The following ZFAT variants were observed in gnomAD, a reference collection of about 807,000 sequenced individuals.
ZFAT encodes zinc finger and AT-hook domain containing, also known as zinc finger protein ZFAT.
Under a neutral mutation model 117.7 loss-of-function variants are expected in ZFAT, and 64 were observed. That is an observed-to-expected ratio of 0.54 (90% CI 0.44 to 0.67). The LOEUF (loss-of-function observed/expected upper bound fraction) is 0.67. Ranked by LOEUF, ZFAT falls within the 30% of genes least tolerant of loss-of-function variation. ZFAT has a pLI of 0.00. For missense variants in ZFAT, 1,433 were observed against 1,584.5 expected, an observed-to-expected ratio of 0.90 and a Z score of 1.62; for synonymous variants, 679 against 615.0, an observed-to-expected ratio of 1.10 and a Z score of -1.54.
chr8:134,667,350 G>A (rs112383699), intron 1 of ZFAT, among the ~76,000 whole-genome samples: 9 of 152,050 alleles, frequency 5.9e-5, no homozygotes, highest in South Asian at 4.2e-4. Flanking sequence ...AAAATTAGCC[G>A]GGCGTGGTGG....
chr8:134,728,025 C>T, the ZFAT span, among the ~76,000 whole-genome samples: 35 of 152,302 alleles, frequency 2.3e-4, no homozygotes, highest in African/African-American at 7.5e-4. Context: ...ACATGCTGTA[C>T]CAGGTACAAT....
intron 3 of ZFAT, among the ~76,000 whole-genome samples, chr8:134,615,156 C>T (rs1828625693): frequency 1.3e-5 from 2 of 152,098 alleles, no homozygotes; most frequent in African/African-American, 4.8e-5. Context: ...ATCCCATGGC[C>T]CAAACGTGAC....
intron 11 of ZFAT, among the ~76,000 whole-genome samples, chr8:134,553,362 G>A (rs1823328124): frequency 6.6e-6 from 1 of 152,158 alleles, no homozygotes; most frequent in Non-Finnish European, 1.5e-5. Flanking sequence ...AATTAGCCGG[G>A]CGCGGTGGCA....
chr8:134,558,439 G>GAATT (rs1173470297), intron 11 of ZFAT, among the ~76,000 whole-genome samples: 1 of 152,094 alleles, frequency 6.6e-6, no homozygotes, highest in East Asian at 1.9e-4. Context: ...AAAGGTAAAG[G>GAATT]AATTCCCAAA....
intron 3 of ZFAT, among the ~76,000 whole-genome samples, chr8:134,621,404 A>G (rs1829094691): frequency 6.6e-6 from 1 of 152,182 alleles, no homozygotes; most frequent in East Asian, 1.9e-4. Context: ...TTTACAAAGC[A>G]CTGTCTTGAG....
At chr8:134,805,913 G>A in the ZFAT span, among the ~76,000 whole-genome samples, 417 of 152,244 alleles carry the variant, frequency 2.7e-3, no homozygotes, top group African/African-American at 9.5e-3. Context: ...GGAGGTGGAG[G>A]CTGCAGTGAG....
intron 13 of ZFAT, among the ~76,000 whole-genome samples, chr8:134,516,797 A>C (rs1217121003): frequency 6.6e-6 from 1 of 152,148 alleles, no homozygotes; most frequent in Non-Finnish European, 1.5e-5. Flanking sequence ...TCCAGGTTGC[A>C]GTGAGCTATG....
intron 3 of ZFAT, among the ~76,000 whole-genome samples, chr8:134,614,750 T>C (rs549657418): frequency 2.0e-5 from 3 of 152,284 alleles, no homozygotes; most frequent in East Asian, 1.9e-4. Flanking sequence ...TTGCAACAGT[T>C]AGAGCTGTCC....
chr8:134,569,786 T>C (rs1224132656), intron 10 of ZFAT, among the ~76,000 whole-genome samples: 1 of 152,140 alleles, frequency 6.6e-6, no homozygotes, highest in African/African-American at 2.4e-5. Flanking sequence ...TGTACCTCCC[T>C]GACACTCCCT....
the ZFAT span, among the ~76,000 whole-genome samples, chr8:134,802,526 T>A: frequency 6.6e-6 from 1 of 152,174 alleles, no homozygotes; most frequent in African/African-American, 2.4e-5. Context: ...ATATGACTAT[T>A]TCTAACCAAG....
intron 3 of ZFAT, among the ~76,000 whole-genome samples, chr8:134,632,521 C>T (rs1829954983): frequency 6.6e-6 from 1 of 152,082 alleles, no homozygotes; most frequent in Non-Finnish European, 1.5e-5. Flanking sequence ...AACAAAAATG[C>T]AATGTCCAAA....
intron 8 of ZFAT, among the ~76,000 whole-genome samples, chr8:134,589,246 T>G (rs1586763054): frequency 6.6e-6 from 1 of 152,200 alleles, no homozygotes; most frequent in African/African-American, 2.4e-5. Flanking sequence ...ACTTAGGACA[T>G]GAGTTAACAT....
chr8:134,522,570 C>T (rs1248058911), intron 12 of ZFAT, among the ~76,000 whole-genome samples: 1 of 152,210 alleles, frequency 6.6e-6, no homozygotes, highest in African/African-American at 2.4e-5. Context: ...CCAAAGAGCA[C>T]ACTCCAGAGC....
chr8:134,480,286 G>C (rs1424588622), intron 15 of ZFAT, among the ~76,000 whole-genome samples: 1 of 152,118 alleles, frequency 6.6e-6, no homozygotes, highest in Non-Finnish European at 1.5e-5. Context: ...TTAAATACCT[G>C]CTGCTGCCTG....
the ZFAT span, among the ~76,000 whole-genome samples, chr8:134,812,093 G>A: frequency 3.9e-5 from 6 of 151,992 alleles, no homozygotes; most frequent in African/African-American, 9.7e-5. Context: ...GCAGTGAGCC[G>A]AGATCGCACC....
the ZFAT span, among the ~76,000 whole-genome samples, chr8:134,759,994 A>AAC: frequency 6.7e-6 from 1 of 148,684 alleles, no homozygotes; most frequent in Non-Finnish European, 1.5e-5. Context: ...AAAAAAACAA[A>AAC]CAGAGGCCGG....
chr8:134,637,787 T>C, intron 2 of ZFAT, 75 bp from the exon 3 acceptor site: 1 of 1,539,552 alleles, frequency 6.5e-7, no homozygotes, highest in Admixed American at 2.0e-5. Context: ...CCTCCAAGTG[T>C]GAGGATATGT....
chr8:134,616,708 C>G (rs1446061860), intron 3 of ZFAT, among the ~76,000 whole-genome samples: 1 of 152,194 alleles, frequency 6.6e-6, no homozygotes. Context: ...CTGCTGCATT[C>G]AGTCATGCCG....
At chr8:134,814,679 G>A in the ZFAT span, among the ~76,000 whole-genome samples, 1 of 152,190 alleles carries the variant, frequency 6.6e-6, no homozygotes, top group African/African-American at 2.4e-5. Flanking sequence ...CACCCATCAT[G>A]CCCTCCACAA....
Sources: gnomAD v4.1 joint callset for allele counts (sites outside exome capture counted in the v4.1 genomes callset) on GRCh38, gnomAD v4.1.1 for gene constraint, MANE v1.5 for transcripts, NCBI Gene and HGNC (gene_info 2026-07-23, HGNC 2026-07-21) for gene names.